KIAA0319L: variants seen among roughly 807,000 people sequenced by gnomAD.
KIAA0319L encodes KIAA0319 like, also known as dyslexia-associated protein KIAA0319-like protein.
Under a neutral mutation model 120.1 loss-of-function variants are expected in KIAA0319L, and 55 were observed. The ratio of observed to expected loss-of-function variants is 0.46; its 90% CI spans 0.37 to 0.57. KIAA0319L has a LOEUF of 0.57. Among genes scored for constraint, KIAA0319L ranks in the 20% least tolerant of loss-of-function variants. KIAA0319L has a pLI of 0.00. For missense variants in KIAA0319L, 1,049 were observed against 1,255.3 expected (o/e 0.84, Z 2.48); for synonymous variants, 398 against 471.9 (o/e 0.84, Z 2.03).
chr1:35,516,931 A>C (rs1199504456), intron 2 of KIAA0319L, among the ~76,000 whole-genome samples: 58 of 152,322 alleles, frequency 3.8e-4, no homozygotes, highest in Admixed American at 3.8e-3. Flanking sequence ...CCAAGAGCCA[A>C]ATCAGGAAGG....
chr1:35,527,347 C>CT (rs765420290), intron 2 of KIAA0319L, among the ~76,000 whole-genome samples: 26 of 151,982 alleles, frequency 1.7e-4, no homozygotes, highest in Non-Finnish European at 3.1e-4. Flanking sequence ...CTGTAGTTTT[C>CT]TTTTTTTGTT....
intron 2 of KIAA0319L, among the ~76,000 whole-genome samples, chr1:35,517,964 A>T (rs927914330): frequency 1.3e-5 from 2 of 152,246 alleles, no homozygotes; most frequent in African/African-American, 2.4e-5. Flanking sequence ...AGCATATTTT[A>T]AAAAGTTCAA....
At chr1:35,461,336 C>T (rs1159839157) in intron 8 of KIAA0319L, among the ~76,000 whole-genome samples, 1 of 152,056 alleles carries the variant, frequency 6.6e-6, no homozygotes, top group East Asian at 1.9e-4. Flanking sequence ...CTTGATGGTG[C>T]GTGCCTGTAA....
intron 3 of KIAA0319L, among the ~76,000 whole-genome samples, chr1:35,495,875 A>C (rs1644785369): frequency 6.6e-6 from 1 of 151,990 alleles, no homozygotes; most frequent in Admixed American, 6.6e-5. Context: ...AAAAAAAAAA[A>C]AAAAACATGA....
chr1:35,433,620 AC>A lies in KIAA0319L; in HGVS notation c.*1273del, dbSNP rs1197008355. Reference sequence around the variant, plus strand: ...CCAATACCCAGATAACCATGGTGGAACAGGGCCAGGGTGAGGGGGACTCAGG... The same window carrying A: ...CCAATACCCAGATAACCATGGTGGAAAGGGCCAGGGTGAGGGGGACTCAGG... On this transcript the variant is annotated 3_prime_UTR_variant, in exon 21 of 21. Coordinates refer to ENST00000325722, the MANE Select transcript of KIAA0319L (RefSeq NM_024874.5). The A allele has an allele frequency of 1.3e-5, 2 of 152,318 alleles. No homozygotes were observed. Among genetic ancestry groups the A allele is most frequent in the African/African-American group, 4.8e-5 (2 of 41,474 alleles). 9.4% of individuals were successfully genotyped at this position (152,318 alleles called of 1,614,324 possible). A position where few individuals can be genotyped will look rare whatever the true frequency, so the allele number is the denominator to read the frequency against.
At chr1:35,442,203 T>C (rs759772468) in intron 19 of KIAA0319L, 43 bp downstream of exon 19, 1 of 1,455,100 alleles carries the variant, frequency 6.9e-7, no homozygotes, top group South Asian at 1.1e-5. Flanking sequence ...AACGAATGTA[T>C]GACAAGAAGC....
At chr1:35,440,814 A>T (rs1641150727) in intron 20 of KIAA0319L, 1 of 542,486 alleles carries the variant, frequency 1.8e-6, no homozygotes, top group Non-Finnish European at 3.3e-6. Context: ...AAAGGAAAAC[A>T]ACAGGCCCAG....
At chr1:35,520,536 CAT>C (rs1645869733) in intron 2 of KIAA0319L, among the ~76,000 whole-genome samples, 1 of 152,120 alleles carries the variant, frequency 6.6e-6, no homozygotes, top group Non-Finnish European at 1.5e-5. Flanking sequence ...TGGGACTACA[CAT>C]GTGTGCCACT....
At chr1:35,455,985 AG>A in intron 10 of KIAA0319L, 27 bp downstream of exon 10, 1 of 1,554,938 alleles carries the variant, frequency 6.4e-7, no homozygotes, top group Non-Finnish European at 8.8e-7. Flanking sequence ...CTCTTGGGCA[AG>A]AAAAAATAGG....
chr1:35,460,268 T>A (rs749554099), intron 9 of KIAA0319L, 37 bp downstream of exon 9: 1 of 1,574,964 alleles, frequency 6.3e-7, no homozygotes, highest in Non-Finnish European at 8.6e-7. Flanking sequence ...GGCAAAAAAA[T>A]GGCCTATGGT....
chr1:35,445,458 C>T (rs1033368639), intron 16 of KIAA0319L, among the ~76,000 whole-genome samples: 35 of 152,182 alleles, frequency 2.3e-4, no homozygotes, highest in Admixed American at 6.5e-5. Context: ...CACATCTCTC[C>T]TGAGTGACCA....
chr1:35,519,952 A>G (rs952939980), intron 2 of KIAA0319L, among the ~76,000 whole-genome samples: 3 of 152,152 alleles, frequency 2.0e-5, no homozygotes, highest in African/African-American at 7.2e-5. Context: ...AGCTGGGAAA[A>G]AAATGATCCA....
At chr1:35,440,836 A>C in intron 20 of KIAA0319L, 2 of 570,946 alleles carry the variant, frequency 3.5e-6, no homozygotes. Context: ...ACCCCCGCCA[A>C]GCGGAAGTAG....
intron 15 of KIAA0319L, 148 bp from the exon 16 acceptor site, chr1:35,448,480 C>T (rs920460131): frequency 1.3e-5 from 10 of 799,012 alleles, no homozygotes; most frequent in Middle Eastern, 3.6e-4. Context: ...AATTCCTGAT[C>T]GGGCAATCTG....
At chr1:35,488,232 C>T (rs1203135) in intron 3 of KIAA0319L, among the ~76,000 whole-genome samples, 35,080 of 152,076 alleles carry the variant, frequency 0.23, 8,629 homozygotes, top group African/African-American at 0.58. Flanking sequence ...CATTTGTTTA[C>T]AGATTTTCTA....
intron 4 of KIAA0319L, among the ~76,000 whole-genome samples, chr1:35,478,699 C>T (rs532225079): frequency 1.7e-4 from 26 of 152,314 alleles, no homozygotes; most frequent in African/African-American, 5.8e-4. Context: ...ATCACTTGAA[C>T]ATTATACTTA....
intron 1 of KIAA0319L, among the ~76,000 whole-genome samples, chr1:35,555,855 G>A (rs1238009678): frequency 6.6e-6 from 1 of 152,190 alleles, no homozygotes; most frequent in African/African-American, 2.4e-5. Flanking sequence ...AATAGCTTTT[G>A]AAAAATGGAG....
chr1:35,462,729 C>T lies in KIAA0319L; in HGVS notation c.1202-16G>A. 6.2e-7 allele frequency: 1 copy of T among 1,600,234 alleles called. No individual in the cohort carries two copies. The highest frequency in any genetic ancestry group is 1.1e-5 in the South Asian group (1 of 90,800). ...TTACGGGGCTCTGCAAGAAAGTGAC[C>T]CAAAAGAAATTGGGAAAGAGGCTTC... On this transcript the variant is annotated splice_polypyrimidine_tract_variant and intron_variant, in intron 7 of 20. Coordinates refer to ENST00000325722, the MANE Select transcript of KIAA0319L (RefSeq NM_024874.5).
At chr1:35,519,312 A>T (rs1021240151) in intron 2 of KIAA0319L, among the ~76,000 whole-genome samples, 4 of 151,644 alleles carry the variant, frequency 2.6e-5, no homozygotes, top group Admixed American at 6.6e-5. Flanking sequence ...ATATTTGTTT[A>T]AAAAAAATAA....
Sources: gnomAD v4.1 joint callset for allele counts (sites outside exome capture counted in the v4.1 genomes callset) on GRCh38, gnomAD v4.1.1 for gene constraint, MANE v1.5 for transcripts, NCBI Gene and HGNC (gene_info 2026-07-23, HGNC 2026-07-21) for gene names.